PPARG: variants seen among roughly 807,000 people sequenced by gnomAD.
PPARG encodes the protein peroxisome proliferator activated receptor gamma, also known as peroxisome proliferator-activated receptor gamma.
Under a neutral mutation model 39.2 loss-of-function variants are expected in PPARG, and 17 were observed. The observed-to-expected ratio is 0.43, with a 90% CI of 0.30 to 0.65. The LOEUF (loss-of-function observed/expected upper bound fraction) is 0.65, where lower values mean the gene tolerates loss of function less well. PPARG is among the 30% of genes least tolerant of loss of function. The probability of loss-of-function intolerance (pLI) is 0.13; values close to 1 mark genes in which losing one functional copy is unlikely to be tolerated. For missense variants in PPARG, 406 were observed against 585.9 expected (o/e 0.69, Z 3.17); for synonymous variants, 223 against 215.7 (o/e 1.03, Z -0.30).
At chr3:12,298,235 C>G (rs1168553175) in intron 1 of PPARG, among the ~76,000 whole-genome samples, 1 of 123,616 alleles carries the variant, frequency 8.1e-6, no homozygotes, top group Non-Finnish European at 1.6e-5. Context: ...GGAGGCAGAG[C>G]TTGCAGTGAG....
chr3:12,396,140 G>T (rs1241301585), intron 5 of PPARG, among the ~76,000 whole-genome samples: 5 of 149,404 alleles, frequency 3.3e-5, no homozygotes, highest in African/African-American at 9.9e-5. Flanking sequence ...ATTTTTTTTT[G>T]AGATGGAGTC....
chr3:12,336,271 G>T lies in PPARG; in HGVS notation c.-9+23818G>T, dbSNP rs570336509. ...ACATCACAAGATACATCAGATTAAT[G>T]CTGGTTGCTCTTGGGGAGTTGTGGG... On this transcript the variant is annotated intron_variant, in intron 2 of 7. Transcript: ENST00000651735. 7.9e-5 allele frequency among the ~76,000 whole-genome samples: 12 copies of T among 152,246 alleles called. No homozygotes were observed. The East Asian group carries it at 2.3e-3, about 29-fold the overall frequency.
At chr3:12,328,198 A>T in intron 2 of PPARG, 1 of 1,456,440 alleles carries the variant, frequency 6.9e-7, no homozygotes. Context: ...CTAGAACAGA[A>T]AAAGTCCTAC....
chr3:12,387,170 T>C (rs932370846), intron 4 of PPARG, among the ~76,000 whole-genome samples: 3 of 152,212 alleles, frequency 2.0e-5, no homozygotes, highest in African/African-American at 7.2e-5. Context: ...AATAGTGCCA[T>C]AATAAACATA....
In PPARG at chr3:12,425,562, G is replaced by T. The variant is rs202242182; in HGVS notation, c.1181-8336G>T. On this transcript the variant is annotated intron_variant, in intron 7 of 7. Coordinates refer to ENST00000651735, the MANE Select transcript of PPARG (RefSeq NM_138711.6). ...CCACCAGACGGATTCAGGGCATGGA[G>T]ATGGCAGGTTAGTGGTAGACTTGGA... Among the ~76,000 whole-genome samples the T allele has an allele frequency of 2.0e-5, 3 of 152,282 alleles. No individual in the cohort carries two copies. In the East Asian group the frequency reaches 5.8e-4, roughly 29 times the overall value.
intron 1 of PPARG, chr3:12,301,509 C>T (rs941735393): frequency 2.0e-5 from 3 of 152,176 alleles, no homozygotes; most frequent in African/African-American, 7.2e-5. Flanking sequence ...AACAGTTAAT[C>T]TCCTTTTATA....
chr3:12,405,679 A>G (rs2050633325), intron 5 of PPARG, among the ~76,000 whole-genome samples: 1 of 152,248 alleles, frequency 6.6e-6, no homozygotes, highest in African/African-American at 2.4e-5. Context: ...TAAAAATGAA[A>G]GTTAACGGTT....
At position 12,338,477 on chromosome 3, in the gene PPARG, G is replaced by A. The variant is rs189872821; in HGVS notation, c.-9+26024G>A. The stretch of plus-strand genomic sequence containing the variant: ...AGGAAAAAATTTCTTATGATTCTCA[G>A]TGTTCACATAATTTGTATTAAATGT... On this transcript the variant is annotated intron_variant, in intron 2 of 7. Transcript: ENST00000651735. Among the ~76,000 whole-genome samples, 65 of 152,242 alleles carry A rather than the reference G, an allele frequency of 4.3e-4. No individual in the cohort carries two copies. In the East Asian group the frequency reaches 0.01, roughly 24 times the overall value.
At chr3:12,303,769 C>A (rs532666694) in intron 1 of PPARG, among the ~76,000 whole-genome samples, 2 of 152,228 alleles carry the variant, frequency 1.3e-5, no homozygotes, top group East Asian at 1.9e-4. Flanking sequence ...CATATTCATG[C>A]AGAGTCTGAA....
rs985230553 is a variant in PPARG at position 12,312,421 on chromosome 3, G to C, written c.-41G>C. 1 of 152,154 alleles carries C rather than the reference G, an allele frequency of 6.6e-6. No individual in the cohort carries two copies. Among genetic ancestry groups the C allele is most frequent in the African/African-American group, 2.4e-5 (1 of 41,430 alleles). The allele number at this position is 152,154 out of a possible 1,614,324, so 9.4% of individuals were successfully genotyped here. On this transcript the variant is annotated 5_prime_UTR_variant, in exon 2 of 8. Coordinates refer to ENST00000651735, the MANE Select transcript of PPARG (RefSeq NM_138711.6). ...CACTAAACCACAAATATACAACAAG[G>C]CCATTTTCTCAAACGAGAGTCAGCC...
At chr3:12,310,818 A>AAAC (rs2047218386) in intron 1 of PPARG, among the ~76,000 whole-genome samples, 2 of 147,838 alleles carry the variant, frequency 1.4e-5, no homozygotes, top group African/African-American at 5.1e-5. Context: ...AAAAAAAAAA[A>AAAC]AAAAAACCCA....
chr3:12,324,932 T>C (rs1028505554), intron 2 of PPARG, among the ~76,000 whole-genome samples: 2 of 152,160 alleles, frequency 1.3e-5, no homozygotes, highest in African/African-American at 4.8e-5. Flanking sequence ...ACAGAACAAC[T>C]ACCAATGAAT....
intron 2 of PPARG, among the ~76,000 whole-genome samples, chr3:12,375,684 C>T (rs981994897): frequency 6.6e-6 from 1 of 152,178 alleles, no homozygotes; most frequent in Non-Finnish European, 1.5e-5. Flanking sequence ...AATTTTGAAA[C>T]AAAGGACACA....
At chr3:12,381,581 A>G in intron 4 of PPARG, 90 bp downstream of exon 4, 1 of 1,374,592 alleles carries the variant, frequency 7.3e-7, no homozygotes, top group Non-Finnish European at 1.0e-6. Context: ...CAATATATGA[A>G]TTTTTTTTCT....
chr3:12,331,820 G>C (rs560606198), intron 2 of PPARG, among the ~76,000 whole-genome samples: 1 of 152,306 alleles, frequency 6.6e-6, no homozygotes, highest in African/African-American at 2.4e-5. Context: ...ATTGGTGGCA[G>C]CATTTACTAA....
intron 2 of PPARG, among the ~76,000 whole-genome samples, chr3:12,348,588 C>A (rs1405286616): frequency 6.6e-6 from 1 of 152,138 alleles, no homozygotes; most frequent in Non-Finnish European, 1.5e-5. Context: ...ACATCCATAC[C>A]CTTCTGTCTC....
At chr3:12,362,991 T>C (rs2938398) in intron 2 of PPARG, among the ~76,000 whole-genome samples, 109,413 of 152,032 alleles carry the variant, frequency 0.72, 39,835 homozygotes, top group East Asian at 0.87. Context: ...TGGATCATGG[T>C]GCATTGCAGC....
At chr3:12,354,576 AC>A (rs1375409045) in intron 2 of PPARG, among the ~76,000 whole-genome samples, 1 of 151,960 alleles carries the variant, frequency 6.6e-6, no homozygotes, top group Admixed American at 6.6e-5. Context: ...ACACGATGAA[AC>A]CCTGTCTCTA....
intron 2 of PPARG, among the ~76,000 whole-genome samples, chr3:12,368,023 A>G (rs983725816): frequency 1.3e-5 from 2 of 152,120 alleles, no homozygotes; most frequent in African/African-American, 2.4e-5. Context: ...GAATGTTTCA[A>G]TCTCAAAGCT....
Sources: allele counts gnomAD v4.1 joint callset (sites outside exome capture counted in the v4.1 genomes callset), GRCh38; gene constraint gnomAD v4.1.1; transcripts MANE v1.5; gene names NCBI Gene and HGNC (gene_info 2026-07-23, HGNC 2026-07-21).